The following ARL15 variants were observed in gnomAD, a reference collection of about 807,000 sequenced individuals.
The protein encoded by ARL15 is ADP-ribosylation factor-like protein 15.
Under a neutral mutation model 25.2 loss-of-function variants are expected in ARL15, and 19 were observed. That is an observed-to-expected ratio of 0.75 (90% CI 0.53 to 1.10). ARL15 has a LOEUF of 1.10. ARL15 is among the 50% of genes least tolerant of loss of function. ARL15 has a pLI of 0.00. For synonymous variants in ARL15, 94 were observed against 86.8 expected, an observed-to-expected ratio of 1.08 and a Z score of -0.46; for missense variants, 220 against 246.0, an observed-to-expected ratio of 0.89 and a Z score of 0.71.
chr5:54,007,296 G>C (rs1451036149), intron 4 of ARL15, among the ~76,000 whole-genome samples: 1 of 152,090 alleles, frequency 6.6e-6, no homozygotes. Context: ...AATACTCTTT[G>C]CGTTTTCAAG....
intron 1 of ARL15, among the ~76,000 whole-genome samples, chr5:54,197,624 C>A (rs1472739890): frequency 6.6e-6 from 1 of 152,056 alleles, no homozygotes; most frequent in Non-Finnish European, 1.5e-5. Context: ...GAAAACAGAG[C>A]ATAAGGAGCT....
chr5:54,109,171 G>C (rs1246766653), intron 4 of ARL15, among the ~76,000 whole-genome samples: 1 of 152,034 alleles, frequency 6.6e-6, no homozygotes, highest in East Asian at 1.9e-4. Flanking sequence ...TTTAGAAGCT[G>C]TATTTTCCTG....
intron 1 of ARL15, among the ~76,000 whole-genome samples, chr5:54,180,342 C>T (rs1161923287): frequency 6.6e-6 from 1 of 152,064 alleles, no homozygotes; most frequent in African/African-American, 2.4e-5. Flanking sequence ...AGAAGAGAAA[C>T]AAAAATCAAA....
At chr5:53,916,790 T>C (rs1580077113) in intron 4 of ARL15, among the ~76,000 whole-genome samples, 1 of 152,282 alleles carries the variant, frequency 6.6e-6, no homozygotes, top group Non-Finnish European at 1.5e-5. Context: ...GCCCAAGGCA[T>C]TACTCTGAGC....
intron 3 of ARL15, among the ~76,000 whole-genome samples, chr5:54,113,856 C>CT (rs1002543565): frequency 6.6e-6 from 1 of 152,160 alleles, no homozygotes; most frequent in Non-Finnish European, 1.5e-5. Flanking sequence ...CTTGGTGATA[C>CT]TTTTTTAACA....
At chr5:54,029,445 G>A (rs896633791) in intron 4 of ARL15, among the ~76,000 whole-genome samples, 1 of 142,492 alleles carries the variant, frequency 7.0e-6, no homozygotes, top group Admixed American at 7.5e-5. Flanking sequence ...ATCTCAATTT[G>A]CAAGTATTAA....
intron 4 of ARL15, among the ~76,000 whole-genome samples, chr5:54,063,285 G>A (rs2112038352): frequency 6.6e-6 from 1 of 152,306 alleles, no homozygotes; most frequent in African/African-American, 2.4e-5. Context: ...CGTTTCCTAG[G>A]AAATGAGGAT....
At chr5:54,071,017 A>G (rs1039359438) in intron 4 of ARL15, among the ~76,000 whole-genome samples, 4 of 151,628 alleles carry the variant, frequency 2.6e-5, no homozygotes, top group Non-Finnish European at 5.9e-5. Flanking sequence ...AAAAAACACA[A>G]AAATTAGCCA....
intron 4 of ARL15, among the ~76,000 whole-genome samples, chr5:53,980,556 CAT>C (rs1748086801): frequency 6.6e-6 from 1 of 152,308 alleles, no homozygotes; most frequent in African/African-American, 2.4e-5. Context: ...TGGATGGAGA[CAT>C]GTGAGAAATT....
chr5:54,178,690 G>T (rs1251387772), intron 1 of ARL15, among the ~76,000 whole-genome samples: 1 of 152,206 alleles, frequency 6.6e-6, no homozygotes, highest in Non-Finnish European at 1.5e-5. Context: ...CTTCTAAAAA[G>T]AAGTCAATTT....
rs545305432 is a variant in ARL15 at position 54,016,310 on chromosome 5, G to A, written c.462+96892C>T. ...TAATCTTCACGAAATCCCTGTGAAAGAGATGGTAAGTAGACAGTGAAAAAG... is the reference window on the plus strand; with the variant it reads ...TAATCTTCACGAAATCCCTGTGAAAAAGATGGTAAGTAGACAGTGAAAAAG... On this transcript the variant is annotated intron_variant, in intron 4 of 4. Coordinates refer to ENST00000504924, the MANE Select transcript of ARL15 (RefSeq NM_019087.3). Among the ~76,000 whole-genome samples, 15 of 152,288 alleles carry A rather than the reference G, an allele frequency of 9.8e-5. No individual in the cohort carries two copies. In the East Asian group the frequency reaches 2.9e-3, roughly 29 times the overall value.
At chr5:53,939,077 G>C (rs1746444181) in intron 4 of ARL15, among the ~76,000 whole-genome samples, 1 of 152,054 alleles carries the variant, frequency 6.6e-6, no homozygotes, top group African/African-American at 2.4e-5. Context: ...ATTTCTTCTA[G>C]AACATACTTC....
intron 4 of ARL15, among the ~76,000 whole-genome samples, chr5:54,076,393 C>G (rs1316792673): frequency 1.3e-5 from 2 of 151,096 alleles, no homozygotes; most frequent in African/African-American, 4.9e-5. Context: ...TGCACTCCAG[C>G]CTGGGCGACA....
chr5:53,957,749 G>A (rs765345844), intron 4 of ARL15, among the ~76,000 whole-genome samples: 11 of 152,218 alleles, frequency 7.2e-5, no homozygotes, highest in South Asian at 2.1e-4. Flanking sequence ...AACTGAGCCC[G>A]GAAGGTCAAG....
chr5:54,224,074 C>T (rs548788441), intron 1 of ARL15, among the ~76,000 whole-genome samples: 33 of 152,232 alleles, frequency 2.2e-4, no homozygotes, highest in Non-Finnish European at 4.0e-4. Context: ...GGCCATACAA[C>T]GCAGGGACAC....
At chr5:53,965,708 G>A (rs1192253631) in intron 4 of ARL15, among the ~76,000 whole-genome samples, 5 of 151,870 alleles carry the variant, frequency 3.3e-5, no homozygotes, top group African/African-American at 1.2e-4. Context: ...GCTGCCAGTG[G>A]ACTTGACTAT....
intron 1 of ARL15, among the ~76,000 whole-genome samples, chr5:54,264,375 C>T (rs949724055): frequency 1.3e-5 from 2 of 152,200 alleles, no homozygotes; most frequent in African/African-American, 2.4e-5. Flanking sequence ...GACTATAATA[C>T]TTCACTGGCC....
At chr5:54,276,777 A>G (rs1266793533) in intron 1 of ARL15, among the ~76,000 whole-genome samples, 1 of 152,220 alleles carries the variant, frequency 6.6e-6, no homozygotes, top group African/African-American at 2.4e-5. Context: ...TGTCAGAGTC[A>G]TAGAGGAGAT....
chr5:53,890,681 C>T (rs1224436671), intron 4 of ARL15, among the ~76,000 whole-genome samples: 1 of 152,194 alleles, frequency 6.6e-6, no homozygotes, highest in Non-Finnish European at 1.5e-5. Context: ...CCACCACCAG[C>T]AGCCAACCTA....
Sources: gnomAD v4.1 joint callset for allele counts (sites outside exome capture counted in the v4.1 genomes callset) on GRCh38, gnomAD v4.1.1 for gene constraint, MANE v1.5 for transcripts, NCBI Gene and HGNC (gene_info 2026-07-23, HGNC 2026-07-21) for gene names.